EPM2A: variants seen among roughly 807,000 people sequenced by gnomAD.
EPM2A encodes the protein laforin.
A neutral mutation model predicts 26.5 loss-of-function variants in EPM2A; 21 were observed. The observed-to-expected ratio is 0.79, with a 90% CI of 0.56 to 1.14. EPM2A has a LOEUF of 1.14. EPM2A is among the 50% of genes most tolerant of loss of function. The pLI, the probability that EPM2A is intolerant of heterozygous loss-of-function variation, is 0.00. For synonymous variants in EPM2A, 217 were observed against 177.6 expected (o/e 1.22, Z -1.76); for missense variants, 458 against 440.8 (o/e 1.04, Z -0.35).
In EPM2A at chr6:145,436,829, T is replaced by G. The variant is rs186351024; in HGVS notation, c.556-52732A>C. ...CCTCTCTAGTGAATTTTTTATTTTA[T>G]TTGTTTTTTTTCCTACTATAAAGTT... On this transcript the variant is annotated intron_variant, in intron 4 of 4. Transcript: ENST00000638717. Among the ~76,000 whole-genome samples, 6 of 152,226 alleles carry G rather than the reference T, an allele frequency of 3.9e-5. No individual in the cohort carries two copies. The East Asian group carries it at 1.2e-3, about 29-fold the overall frequency.
intron 4 of EPM2A, among the ~76,000 whole-genome samples, chr6:145,442,912 G>A (rs1779083735): frequency 6.6e-6 from 1 of 151,542 alleles, no homozygotes; most frequent in Non-Finnish European, 1.5e-5. Flanking sequence ...GCAGGCTGGA[G>A]TGCAGTGGCA....
intron 2 of EPM2A, among the ~76,000 whole-genome samples, chr6:145,542,748 GT>G (rs1304230485): frequency 2.0e-5 from 3 of 151,826 alleles, no homozygotes; most frequent in Non-Finnish European, 4.4e-5. Context: ...GTTTTTTTCT[GT>G]TTTTGGTTTT....
chr6:145,583,648 T>A (rs1027353045), intron 2 of EPM2A, among the ~76,000 whole-genome samples: 1 of 152,206 alleles, frequency 6.6e-6, no homozygotes, highest in African/African-American at 2.4e-5. Context: ...CTTGCTCACA[T>A]GTGACAGCAG....
chr6:145,537,419 T>C (rs1410831152), intron 2 of EPM2A, among the ~76,000 whole-genome samples: 1 of 152,176 alleles, frequency 6.6e-6, no homozygotes, highest in Admixed American at 6.5e-5. Flanking sequence ...CTGATAATTA[T>C]ACTCATTAGA....
chr6:145,584,295 G>T (rs555570347), intron 2 of EPM2A, among the ~76,000 whole-genome samples: 1 of 152,018 alleles, frequency 6.6e-6, no homozygotes. Flanking sequence ...TATGATGAAG[G>T]CCCCTGCAAA....
intron 1 of EPM2A, among the ~76,000 whole-genome samples, chr6:145,713,017 T>C (rs1775422144): frequency 6.6e-6 from 1 of 152,228 alleles, no homozygotes; most frequent in Non-Finnish European, 1.5e-5. Context: ...AAAAGTGTCT[T>C]GACTGTGATG....
At chr6:145,485,421 T>C (rs1779659465) in intron 4 of EPM2A, among the ~76,000 whole-genome samples, 1 of 151,954 alleles carries the variant, frequency 6.6e-6, no homozygotes, top group Non-Finnish European at 1.5e-5. Flanking sequence ...AGCCAGAGCA[T>C]GAAGACAAAA....
intron 2 of EPM2A, among the ~76,000 whole-genome samples, chr6:145,588,388 T>C (rs1056093615): frequency 3.3e-5 from 5 of 152,198 alleles, no homozygotes; most frequent in African/African-American, 1.2e-4. Flanking sequence ...GAATTGAAAT[T>C]CTTCATTTGG....
Position 145,654,970 on chromosome 6 carries a change from T to TC in EPM2A, c.477-19485dup, listed in dbSNP as rs1234445572. 2.6e-5 allele frequency among the ~76,000 whole-genome samples: 4 copies of TC among 152,296 alleles called. No individual in the cohort carries two copies. In the East Asian group the frequency reaches 5.8e-4, roughly 22 times the overall value. ...TAAGTCTATTTCCTGCCCTAGACTGTCAGCTTCTTGAGTGTACATTATTTA... is the reference window on the plus strand; with the variant it reads ...TAAGTCTATTTCCTGCCCTAGACTGTCCAGCTTCTTGAGTGTACATTATTTA... On this transcript the variant is annotated intron_variant, in intron 2 of 3. Coordinates refer to ENST00000367519, the MANE Select transcript of EPM2A (RefSeq NM_005670.4).
intron 4 of EPM2A, among the ~76,000 whole-genome samples, chr6:145,484,203 TG>T (rs1270192508): frequency 6.6e-6 from 1 of 152,092 alleles, no homozygotes; most frequent in Non-Finnish European, 1.5e-5. Flanking sequence ...CAGACAACTG[TG>T]TTTAGGTAGC....
chr6:145,450,138 G>C (rs1429073489), intron 4 of EPM2A, among the ~76,000 whole-genome samples: 2 of 151,874 alleles, frequency 1.3e-5, no homozygotes, highest in Non-Finnish European at 2.9e-5. Context: ...CAGATCATGA[G>C]GTCAGGAGAT....
At chr6:145,385,433 G>T (rs969885223) in intron 4 of EPM2A, among the ~76,000 whole-genome samples, 2 of 152,026 alleles carry the variant, frequency 1.3e-5, no homozygotes, top group Admixed American at 6.6e-5. Context: ...AATGACCAAA[G>T]CTTTAGAGTA....
intron 2 of EPM2A, among the ~76,000 whole-genome samples, chr6:145,544,167 T>C (rs1374314408): frequency 6.6e-6 from 1 of 152,122 alleles, no homozygotes; most frequent in Non-Finnish European, 1.5e-5. Flanking sequence ...AATTGTCTGA[T>C]GAATGAGTCA....
chr6:145,612,150 T>C (rs922699016), intron 2 of EPM2A, among the ~76,000 whole-genome samples: 3 of 152,232 alleles, frequency 2.0e-5, no homozygotes, highest in African/African-American at 7.2e-5. Flanking sequence ...TTTATATTAC[T>C]AGTATTCATG....
At chr6:145,656,445 C>A (rs1439949542) in intron 2 of EPM2A, among the ~76,000 whole-genome samples, 1 of 152,194 alleles carries the variant, frequency 6.6e-6, no homozygotes, top group Non-Finnish European at 1.5e-5. Context: ...CCCTAGTGGG[C>A]CCTGAAACTA....
At chr6:145,494,395 T>G (rs1400027366) in intron 4 of EPM2A, among the ~76,000 whole-genome samples, 1 of 152,190 alleles carries the variant, frequency 6.6e-6, no homozygotes, top group Non-Finnish European at 1.5e-5. Context: ...TTTGTCTAGG[T>G]AGTAGTCTAC....
At chr6:145,680,698 A>G (rs943640702) in intron 2 of EPM2A, among the ~76,000 whole-genome samples, 1 of 152,182 alleles carries the variant, frequency 6.6e-6, no homozygotes, top group Non-Finnish European at 1.5e-5. Flanking sequence ...AGCTTCATCC[A>G]TGTCCCTACA....
At chr6:145,656,529 CA>C (rs1221992485) in intron 2 of EPM2A, among the ~76,000 whole-genome samples, 2 of 152,186 alleles carry the variant, frequency 1.3e-5, no homozygotes, top group Non-Finnish European at 2.9e-5. Flanking sequence ...AAAGTGTGGA[CA>C]CTGAGATTTG....
intron 4 of EPM2A, among the ~76,000 whole-genome samples, chr6:145,454,436 T>TGA (rs1215108360): frequency 6.6e-6 from 1 of 152,080 alleles, no homozygotes; most frequent in Non-Finnish European, 1.5e-5. Flanking sequence ...CATGGTGGTA[T>TGA]GAGGGGTATG....
Sources: allele counts gnomAD v4.1 joint callset (sites outside exome capture counted in the v4.1 genomes callset), GRCh38; gene constraint gnomAD v4.1.1; transcripts MANE v1.5; gene names NCBI Gene and HGNC (gene_info 2026-07-23, HGNC 2026-07-21).